HIVEP3: variants seen among roughly 807,000 people sequenced by gnomAD.
The protein encoded by HIVEP3 is HIVEP zinc finger 3.
HIVEP3 carries 49 observed loss-of-function variants against 152.8 expected under a neutral mutation model. The ratio of observed to expected loss-of-function variants is 0.32; its 90% CI spans 0.26 to 0.41. The LOEUF (loss-of-function observed/expected upper bound fraction) is 0.41. HIVEP3 is among the 10% of genes least tolerant of loss of function. The probability of loss-of-function intolerance (pLI) is 1.00; values close to 1 mark genes in which losing one functional copy is unlikely to be tolerated. For synonymous variants in HIVEP3, 1,269 were observed against 1,289.0 expected, an observed-to-expected ratio of 0.98 and a Z score of 0.33; for missense variants, 2,790 against 3,103.3, an observed-to-expected ratio of 0.90 and a Z score of 2.40.
rs574364797 is a variant in HIVEP3, at chr1:41,715,330, TG to T, written c.-800-14336del. ...GGAGGCGGCTTGGCAGATCTGGGCA[TG>T]GGGCTGCCCTACTCCCTGACGTGTC... On this transcript the variant is annotated intron_variant, in intron 1 of 8. Transcript: ENST00000372583. 3.7e-3 allele frequency among the ~76,000 whole-genome samples: 567 copies of T among 152,270 alleles called. 2 individuals are homozygous for T. Among genetic ancestry groups the T allele is most frequent in the Non-Finnish European group, 6.8e-3 (461 of 68,018 alleles).
At chr1:41,969,778 AG>A (rs930587078) in intron 1 of HIVEP3, among the ~76,000 whole-genome samples, 1 of 152,238 alleles carries the variant, frequency 6.6e-6, no homozygotes, top group African/African-American at 2.4e-5. Flanking sequence ...GACAATCTAA[AG>A]AATGGGAGAA....
chr1:41,978,006 A>C (rs957961640), intron 1 of HIVEP3, among the ~76,000 whole-genome samples: 24 of 152,252 alleles, frequency 1.6e-4, no homozygotes, highest in Non-Finnish European at 3.1e-4. Context: ...TCCGTAATAA[A>C]AGAACTGAAT....
intron 1 of HIVEP3, among the ~76,000 whole-genome samples, chr1:41,787,717 G>GA (rs66536447): frequency 0.14 from 21,075 of 148,894 alleles, 3,920 homozygotes; most frequent in African/African-American, 0.42. Flanking sequence ...TTTTTGTAGA[G>GA]AAAAAATAGA....
intron 2 of HIVEP3, among the ~76,000 whole-genome samples, chr1:41,629,398 T>C (rs569137840): frequency 6.6e-6 from 1 of 152,236 alleles, no homozygotes; most frequent in South Asian, 2.1e-4. Context: ...TCAAAAGCAA[T>C]TGCAACAAAA....
chr1:42,034,594 T>G (rs1645630631), intron 1 of HIVEP3, among the ~76,000 whole-genome samples: 1 of 152,162 alleles, frequency 6.6e-6, no homozygotes. Context: ...GACTGTACAC[T>G]TATGTAGCAA....
At chr1:41,628,248 G>T (rs1400647304) in intron 3 of HIVEP3, among the ~76,000 whole-genome samples, 1 of 152,196 alleles carries the variant, frequency 6.6e-6, no homozygotes, top group Non-Finnish European at 1.5e-5. Context: ...GGCAGGTGGG[G>T]TGAGAAAGGG....
Position 41,581,081 on chromosome 1 carries a change from GA to G in HIVEP3, c.3716del (p.Phe1239SerfsTer145). ...PTSSALSSGF[F>X]LPLQSQFALQ... ...GTGCAAACTGGGATTGCAGAGGCAG[GA>G]AAAACCCAGAAGACAGTGCTGAGGA... On this transcript the variant is annotated frameshift_variant, in exon 4 of 9. Coordinates refer to ENST00000372583, the MANE Select transcript of HIVEP3 (RefSeq NM_024503.5). LOFTEE classifies it high-confidence loss of function. This position sits in a 1 kb window ranked among gnomAD's most constrained non-coding sequence, Gnocchi z 4.5. 4 of 1,557,894 alleles carry G rather than the reference GA, an allele frequency of 2.6e-6. No homozygotes were observed. Among genetic ancestry groups the G allele is most frequent in the Non-Finnish European group, 3.5e-6 (4 of 1,150,980 alleles).
rs1289514585 is a variant in HIVEP3 at position 42,029,622 on chromosome 1, TAATA to T, written n.119+6181_119+6184del. On this transcript the variant is annotated intron_variant and non_coding_transcript_variant, in intron 1 of 3. Coordinates refer to the HIVEP3 transcript ENST00000489103. ...AATAAGTAGAGGGTAAAAATGCATT[TAATA>T]AATAACACAAGGATGGAAAATACAG... 2.6e-5 allele frequency among the ~76,000 whole-genome samples: 4 copies of T among 152,324 alleles called. No homozygotes were observed. The East Asian group carries it at 7.7e-4, about 29-fold the overall frequency.
chr1:41,809,453 G>A (rs920628874), intron 1 of HIVEP3, among the ~76,000 whole-genome samples: 1 of 152,194 alleles, frequency 6.6e-6, no homozygotes, highest in African/African-American at 2.4e-5. Context: ...TCTCAATACA[G>A]GTGATTCTTC....
chr1:41,795,713 T>C (rs1649944859), intron 1 of HIVEP3, among the ~76,000 whole-genome samples: 1 of 152,234 alleles, frequency 6.6e-6, no homozygotes, highest in Admixed American at 6.5e-5. Flanking sequence ...AATACTATCA[T>C]TATTTATTTC....
At chr1:41,604,401 A>C (rs1016028626) in intron 3 of HIVEP3, among the ~76,000 whole-genome samples, 1 of 152,260 alleles carries the variant, frequency 6.6e-6, no homozygotes, top group African/African-American at 2.4e-5. Context: ...TATAATAATA[A>C]GTAAAGGAAT....
intron 3 of HIVEP3, among the ~76,000 whole-genome samples, chr1:41,600,271 G>A (rs138299669): frequency 5.9e-5 from 9 of 152,284 alleles, no homozygotes; most frequent in Non-Finnish European, 8.8e-5. Context: ...GTACATCTAT[G>A]TTCATAGCGG....
At position 41,583,244 on chromosome 1, in the gene HIVEP3, A is replaced by G. The variant is rs200796820; in HGVS notation, c.1554T>C (p.Pro518=). The change falls in exon 4 of 9, where the codon CCT becomes CCC. Residue 518 remains proline, a synonymous_variant. Coordinates refer to ENST00000372583, the MANE Select transcript of HIVEP3 (RefSeq NM_024503.5). This position sits in a 1 kb window ranked among gnomAD's most constrained non-coding sequence, Gnocchi z 6.9. ...PLSSHSEKTK[P]EQSLLSLQHP... The stretch of plus-strand genomic sequence containing the variant: ...GCTGGAGGCTCAGCAGTGATTGTTC[A>G]GGCTTGGTTTTCTCACTGTGGGATG... 1.9e-6 allele frequency: 3 copies of G among 1,612,910 alleles called. No homozygotes were observed. Among genetic ancestry groups the G allele is most frequent in the East Asian group, 2.2e-5 (1 of 44,862 alleles).
chr1:41,632,527 C>T (rs1645210303), intron 2 of HIVEP3, among the ~76,000 whole-genome samples: 1 of 152,144 alleles, frequency 6.6e-6, no homozygotes, highest in Admixed American at 6.5e-5. Flanking sequence ...AGCCACCACG[C>T]CTGGCGGATC....
intron 1 of HIVEP3, among the ~76,000 whole-genome samples, chr1:42,032,561 T>C (rs763275821): frequency 6.6e-6 from 1 of 152,158 alleles, no homozygotes; most frequent in Non-Finnish European, 1.5e-5. Context: ...TTGGGGGCTA[T>C]GCGTTCAAAA....
chr1:41,514,478 A>G (rs2149047782), intron 7 of HIVEP3, among the ~76,000 whole-genome samples: 1 of 152,366 alleles, frequency 6.6e-6, no homozygotes, highest in South Asian at 2.1e-4. Flanking sequence ...GGTGGCTGGC[A>G]CAATGGCATC....
In HIVEP3 at chr1:41,888,281, T is replaced by A. The variant is rs537146824; in HGVS notation, c.-801+30132A>T. 6.1e-5 allele frequency among the ~76,000 whole-genome samples: 9 copies of A among 148,004 alleles called. No individual in the cohort carries two copies. In the South Asian group the frequency reaches 2.0e-3, roughly 32 times the overall value. On this transcript the variant is annotated intron_variant, in intron 1 of 8. Coordinates refer to ENST00000372583, the MANE Select transcript of HIVEP3 (RefSeq NM_024503.5). ...GTTAGCCAGGATGGTCTCAATCTCC[T>A]GACTTCGTAATCTGCCCACCTTGGC... is the stretch of plus-strand genomic sequence containing the variant.
At chr1:41,701,030 A>AC (rs1296924250) in intron 1 of HIVEP3, 35 bp from the exon 2 acceptor site, 7 of 922,790 alleles carry the variant, frequency 7.6e-6, no homozygotes, top group Non-Finnish European at 9.1e-6. Context: ...ATATTATGCC[A>AC]CCGCCATCTG....
intron 3 of HIVEP3, among the ~76,000 whole-genome samples, chr1:41,598,580 C>T (rs551198977): frequency 2.6e-5 from 4 of 152,292 alleles, no homozygotes; most frequent in East Asian, 1.9e-4. Flanking sequence ...GCAGTTATAA[C>T]GATCACTCTA....
Sources: allele counts gnomAD v4.1 joint callset (sites outside exome capture counted in the v4.1 genomes callset), GRCh38; gene constraint gnomAD v4.1.1; non-coding constraint Gnocchi (gnomAD v3.1); transcripts MANE v1.5; gene names NCBI Gene and HGNC (gene_info 2026-07-23, HGNC 2026-07-21).